PLCXD3: variants seen among roughly 807,000 people sequenced by gnomAD.
PLCXD3 encodes the protein phosphatidylinositol specific phospholipase C X domain containing 3.
A neutral mutation model predicts 25.5 loss-of-function variants in PLCXD3; 19 were observed. The ratio of observed to expected loss-of-function variants is 0.75; its 90% CI spans 0.52 to 1.09. The LOEUF is 1.09. Ranked by LOEUF, PLCXD3 falls within the 50% of genes least tolerant of loss-of-function variation. The pLI, the probability that PLCXD3 is intolerant of heterozygous loss-of-function variation, is 0.00. For synonymous variants in PLCXD3, 174 were observed against 137.6 expected (o/e 1.26, Z -1.85); for missense variants, 411 against 388.1 (o/e 1.06, Z -0.50).
intron 1 of PLCXD3, among the ~76,000 whole-genome samples, chr5:41,397,898 T>C (rs115443946): frequency 0.016 from 2,379 of 152,304 alleles, 62 homozygotes; most frequent in African/African-American, 0.055. Context: ...GTAACCCCTT[T>C]GTTTTGGTCA....
intron 1 of PLCXD3, among the ~76,000 whole-genome samples, chr5:41,388,274 A>G (rs1745702837): frequency 6.6e-6 from 1 of 152,102 alleles, no homozygotes; most frequent in Non-Finnish European, 1.5e-5. Flanking sequence ...GCTGTGTTCA[A>G]GGCACTTACA....
At chr5:41,494,195 A>C (rs1193577368) in intron 1 of PLCXD3, among the ~76,000 whole-genome samples, 1 of 152,192 alleles carries the variant, frequency 6.6e-6, no homozygotes, top group African/African-American at 2.4e-5. Flanking sequence ...AACTGGGCTC[A>C]AGCAATCATT....
At chr5:41,371,572 C>T (rs1745096317) in intron 2 of PLCXD3, among the ~76,000 whole-genome samples, 1 of 152,134 alleles carries the variant, frequency 6.6e-6, no homozygotes, top group Non-Finnish European at 1.5e-5. Context: ...CCTCAAGTCA[C>T]CCAACCTAAG....
At chr5:41,378,244 T>TAACCA (rs1206045051) in intron 2 of PLCXD3, among the ~76,000 whole-genome samples, 3 of 152,064 alleles carry the variant, frequency 2.0e-5, no homozygotes, top group East Asian at 3.9e-4. Context: ...GTATGTCCAA[T>TAACCA]AACCAAACCA....
In PLCXD3 at chr5:41,404,714, T is replaced by G. The variant is rs1353084777; in HGVS notation, c.104-22180A>C. Among the ~76,000 whole-genome samples, 11 of 152,264 alleles carry G rather than the reference T, an allele frequency of 7.2e-5. No homozygotes were observed. The East Asian group carries it at 1.7e-3, about 24-fold the overall frequency. Reference sequence around the variant, plus strand: ...ATCTTTCCAGTATTATTTATAGAAGTTTTTGGAATGAACTTCCGGTTGGTC... The same window carrying G: ...ATCTTTCCAGTATTATTTATAGAAGGTTTTGGAATGAACTTCCGGTTGGTC... On this transcript the variant is annotated intron_variant, in intron 1 of 2. Coordinates refer to ENST00000377801, the MANE Select transcript of PLCXD3 (RefSeq NM_001005473.3).
intron 1 of PLCXD3, among the ~76,000 whole-genome samples, chr5:41,460,506 C>T (rs1322042010): frequency 6.6e-6 from 1 of 151,922 alleles, no homozygotes; most frequent in Admixed American, 6.6e-5. Flanking sequence ...TATCACAGCT[C>T]ATCAACATTT....
At position 41,464,289 on chromosome 5, in the gene PLCXD3, A is replaced by G. The variant is rs559407294; in HGVS notation, c.103+46135T>C. On this transcript the variant is annotated intron_variant, in intron 1 of 2. Coordinates refer to ENST00000377801, the MANE Select transcript of PLCXD3 (RefSeq NM_001005473.3). Reference sequence around the variant, plus strand: ...ATTACCTACTTAGTTAAGCTCTTCAAAGATTATATTCCTAAGAAATAAACA... The same window carrying G: ...ATTACCTACTTAGTTAAGCTCTTCAGAGATTATATTCCTAAGAAATAAACA... Among the ~76,000 whole-genome samples the G allele has an allele frequency of 4.6e-5, 7 of 152,204 alleles. No individual in the cohort carries two copies. In the East Asian group the frequency reaches 1.4e-3, roughly 29 times the overall value.
chr5:41,463,681 C>T (rs1315841140), intron 1 of PLCXD3, among the ~76,000 whole-genome samples: 1 of 151,998 alleles, frequency 6.6e-6, no homozygotes, highest in Non-Finnish European at 1.5e-5. Flanking sequence ...GGCTCCACAT[C>T]TTCCCCAGCA....
chr5:41,357,018 A>C (rs1484785925), intron 2 of PLCXD3, among the ~76,000 whole-genome samples: 3 of 152,246 alleles, frequency 2.0e-5, no homozygotes, highest in African/African-American at 4.8e-5. Flanking sequence ...AACCATATTC[A>C]GTTTTATGAT....
intron 1 of PLCXD3, among the ~76,000 whole-genome samples, chr5:41,498,271 TAA>T (rs1748882626): frequency 6.6e-6 from 1 of 151,100 alleles, no homozygotes; most frequent in Admixed American, 6.6e-5. Context: ...AAGATAAACA[TAA>T]GTGACATTTA....
intron 1 of PLCXD3, among the ~76,000 whole-genome samples, chr5:41,432,905 T>C (rs781012722): frequency 6.6e-6 from 1 of 152,234 alleles, no homozygotes; most frequent in Non-Finnish European, 1.5e-5. Context: ...AAAAAGGGCC[T>C]ATACACTCTG....
chr5:41,382,418 G>T lies in PLCXD3; in HGVS notation c.220C>A (p.Arg74=), dbSNP rs757112105. ...ATTGTCTGAGTGGCTAACCATTTCC[G>T]CATGAGCTTTTTGGCCACAGTTCCA... The part of the protein sequence containing the change: ...VFGTVAKKLM[R]KWLATQTMNF... Residue 74 remains arginine (R), a synonymous_variant, in exon 2 of 3, where the codon CGG becomes AGG. Coordinates refer to ENST00000377801, the MANE Select transcript of PLCXD3 (RefSeq NM_001005473.3). 3 of 1,613,418 alleles carry T rather than the reference G, an allele frequency of 1.9e-6. No individual in the cohort carries two copies. Among genetic ancestry groups the T allele is most frequent in the East Asian group, 4.5e-5 (2 of 44,814 alleles).
chr5:41,405,934 G>A (rs532386841), intron 1 of PLCXD3, among the ~76,000 whole-genome samples: 42 of 152,112 alleles, frequency 2.8e-4, no homozygotes, highest in African/African-American at 9.2e-4. Context: ...TGCCATTGAT[G>A]ACTACTAAAT....
chr5:41,427,791 C>G (rs746235455), intron 1 of PLCXD3, among the ~76,000 whole-genome samples: 2 of 152,166 alleles, frequency 1.3e-5, no homozygotes, highest in Non-Finnish European at 1.5e-5. Flanking sequence ...AAGTATCATT[C>G]ACATGGGAAC....
intron 2 of PLCXD3, among the ~76,000 whole-genome samples, chr5:41,320,046 A>G (rs2150469425): frequency 6.6e-6 from 1 of 152,292 alleles, no homozygotes; most frequent in South Asian, 2.1e-4. Context: ...ACCTACCAAG[A>G]TTGAACTAGG....
At chr5:41,487,490 C>A (rs1167979497) in intron 1 of PLCXD3, among the ~76,000 whole-genome samples, 1 of 152,084 alleles carries the variant, frequency 6.6e-6, no homozygotes, top group Non-Finnish European at 1.5e-5. Context: ...CAGAAAAGAT[C>A]CAGACAAGGT....
At chr5:41,424,439 C>A (rs1331559021) in intron 1 of PLCXD3, among the ~76,000 whole-genome samples, 1 of 152,156 alleles carries the variant, frequency 6.6e-6, no homozygotes, top group East Asian at 1.9e-4. Flanking sequence ...ACTCGGGAGG[C>A]TGGGGCAGGA....
intron 1 of PLCXD3, among the ~76,000 whole-genome samples, chr5:41,456,997 T>G (rs1399012634): frequency 6.6e-6 from 1 of 151,934 alleles, no homozygotes; most frequent in Admixed American, 6.6e-5. Flanking sequence ...GGGTTGGGGT[T>G]TTATGAGAAT....
chr5:41,307,052 A>C lies in PLCXD3; in HGVS notation c.*6565T>G, dbSNP rs1020409853. On this transcript the variant is annotated 3_prime_UTR_variant, in exon 3 of 3. Transcript: ENST00000377801. ...CTTATTTAAAAAATTCACATTTTCT[A>C]TACAGACTGTAGCCATGGATTTTCT... The C allele has an allele frequency of 3.3e-5, 5 of 152,638 alleles. No homozygotes were observed. The highest frequency in any genetic ancestry group is 1.3e-4 in the Admixed American group (2 of 15,276). The allele number at this position is 152,638 out of a possible 1,614,324, so 9.5% of individuals were successfully genotyped here.
Sources: allele counts gnomAD v4.1 joint callset (sites outside exome capture counted in the v4.1 genomes callset), GRCh38; gene constraint gnomAD v4.1.1; transcripts MANE v1.5; gene names NCBI Gene and HGNC (gene_info 2026-07-23, HGNC 2026-07-21).